Variants in CDK5RAP2 observed in about 807,000 individuals in gnomAD.
The protein encoded by CDK5RAP2 is CDK5 regulatory subunit associated protein 2, also known as CDK5 regulatory subunit-associated protein 2.
Under a neutral mutation model 232.9 loss-of-function variants are expected in CDK5RAP2, and 147 were observed. The ratio of observed to expected loss-of-function variants is 0.63; its 90% CI spans 0.55 to 0.72. CDK5RAP2 has a LOEUF of 0.72. Among genes scored for constraint, CDK5RAP2 ranks in the 30% least tolerant of loss-of-function variants. The pLI is 0.00. For missense variants in CDK5RAP2, 2,195 were observed against 2,231.5 expected (o/e 0.98, Z 0.33); for synonymous variants, 833 against 833.7 (o/e 1.00, Z 0.01).
chr9:120,570,024 A>C (rs904971044), intron 2 of CDK5RAP2, among the ~76,000 whole-genome samples: 2 of 152,186 alleles, frequency 1.3e-5, no homozygotes, highest in Non-Finnish European at 2.9e-5. Flanking sequence ...GGGGAGAGCC[A>C]AAAAGGGTGG....
chr9:120,472,990 G>A (rs1195463151), intron 15 of CDK5RAP2, among the ~76,000 whole-genome samples: 2 of 152,192 alleles, frequency 1.3e-5, no homozygotes, highest in South Asian at 2.1e-4. Flanking sequence ...GTGCAGATCC[G>A]TAAGAACAGC....
intron 25 of CDK5RAP2, among the ~76,000 whole-genome samples, chr9:120,425,028 C>T (rs1475355205): frequency 2.0e-5 from 3 of 152,050 alleles, no homozygotes; most frequent in Non-Finnish European, 4.4e-5. Context: ...TGTATATCTT[C>T]CTCAGGAACT....
At chr9:120,416,156 C>T (rs776806133) in intron 27 of CDK5RAP2, among the ~76,000 whole-genome samples, 2 of 152,114 alleles carry the variant, frequency 1.3e-5, no homozygotes, top group Non-Finnish European at 2.9e-5. Flanking sequence ...ACCGGCCGGG[C>T]GTCCTCTAAT....
chr9:120,567,999 C>A (rs934284966), intron 3 of CDK5RAP2, among the ~76,000 whole-genome samples: 15 of 152,268 alleles, frequency 9.9e-5, no homozygotes, highest in Admixed American at 5.9e-4. Context: ...AATGTTAGCT[C>A]CCCTCAACTG....
intron 5 of CDK5RAP2, among the ~76,000 whole-genome samples, chr9:120,542,997 G>A (rs1482787201): frequency 6.6e-6 from 1 of 152,146 alleles, no homozygotes; most frequent in Non-Finnish European, 1.5e-5. Context: ...AGTTAGAGCA[G>A]CAAAAGCAAG....
intron 12 of CDK5RAP2, among the ~76,000 whole-genome samples, chr9:120,504,161 G>A (rs1386851632): frequency 1.3e-5 from 2 of 152,162 alleles, no homozygotes; most frequent in Non-Finnish European, 2.9e-5. Flanking sequence ...GTTTGGGGTA[G>A]TTGATGTTGT....
At chr9:120,449,788 C>G (rs1277029541) in intron 21 of CDK5RAP2, among the ~76,000 whole-genome samples, 1 of 152,112 alleles carries the variant, frequency 6.6e-6, no homozygotes, top group Non-Finnish European at 1.5e-5. Flanking sequence ...CATTAGTCAC[C>G]AAGGAAAATG....
At position 120,402,922 on chromosome 9, in the gene CDK5RAP2, T is replaced by A. The variant is rs1370393020; in HGVS notation, c.5191A>T (p.Ile1731Phe). 6.2e-7 allele frequency: 1 copy of A among 1,614,056 alleles called. No individual in the cohort carries two copies. The highest frequency in any genetic ancestry group is 8.5e-7 in the Non-Finnish European group (1 of 1,180,044). ...TTGAGCAGGGCCTCATAGTCCTCAATCAGGCCCAGGACATGGCGGCCATTC... is the reference window on the plus strand; with the variant it reads ...TTGAGCAGGGCCTCATAGTCCTCAAACAGGCCCAGGACATGGCGGCCATTC... ...SKNGRHVLGL[I>F]EDYEALLKQI... is the part of the protein sequence containing the mutation. The change falls in exon 34 of 38, where the codon ATT (isoleucine) becomes TTT (phenylalanine). Residue 1731 changes from isoleucine to phenylalanine, a missense_variant. Transcript: ENST00000349780.
intron 34 of CDK5RAP2, 43 bp downstream of exon 34, chr9:120,402,763 C>T: frequency 6.2e-7 from 1 of 1,611,662 alleles, no homozygotes; most frequent in Non-Finnish European, 8.5e-7. Flanking sequence ...CACCGACACT[C>T]CCAGGGAGCA....
Position 120,418,033 on chromosome 9 carries a change from C to T in CDK5RAP2, c.4177+1755G>A, listed in dbSNP as rs138064672. On this transcript the variant is annotated intron_variant, in intron 27 of 37. Coordinates refer to ENST00000349780, the MANE Select transcript of CDK5RAP2 (RefSeq NM_018249.6). The stretch of plus-strand genomic sequence containing the variant: ...AAAATGATGTTATGTAATAACATGT[C>T]GGAAAGCTTAGGACAGAACGTTAAG... Among the ~76,000 whole-genome samples the T allele has an allele frequency of 6.6e-5, 10 of 152,170 alleles. 1 individual carries two copies. The highest frequency in any genetic ancestry group is 1.7e-4 in the African/African-American group (7 of 41,530).
At chr9:120,550,952 T>A in intron 3 of CDK5RAP2, 50 bp from the exon 4 acceptor site, 2 of 1,054,346 alleles carry the variant, frequency 1.9e-6, no homozygotes, top group Non-Finnish European at 3.0e-6. Context: ...AGACAGAGGG[T>A]CCAACAGATA....
chr9:120,434,098 T>C (rs571685773), intron 25 of CDK5RAP2, among the ~76,000 whole-genome samples: 47 of 152,116 alleles, frequency 3.1e-4, no homozygotes, highest in African/African-American at 9.2e-4. Flanking sequence ...TGGTTGTGGG[T>C]AGAACCGAGG....
intron 15 of CDK5RAP2, among the ~76,000 whole-genome samples, chr9:120,476,032 A>G (rs958623756): frequency 1.3e-5 from 2 of 152,098 alleles, no homozygotes; most frequent in African/African-American, 4.8e-5. Flanking sequence ...GACTGGGAGG[A>G]GACAAAGTAG....
Position 120,407,232 on chromosome 9 carries a change from G to GCCCCTTCCAA in CDK5RAP2, c.4742_4743insTTGGAAGGGG (p.Gln1585LeufsTer65). The GCCCCTTCCAA allele has an allele frequency of 6.2e-7, 1 of 1,612,544 alleles. No homozygotes were observed. Reference sequence around the variant, plus strand: ...CCCTGAAAGGATCCTGCCCCTTCCAGCCTTCTCCCGACGCCTCTGAGGACA... The same window carrying GCCCCTTCCAA: ...CCCTGAAAGGATCCTGCCCCTTCCAGCCCCTTCCAACCTTCTCCCGACGCCTCTGAGGACA... On this transcript the variant is annotated frameshift_variant, in exon 32 of 38. Transcript: ENST00000349780. LOFTEE classifies it high-confidence loss of function.
intron 20 of CDK5RAP2, 39 bp from the exon 21 acceptor site, chr9:120,453,912 T>C (rs2036612746): frequency 5.0e-6 from 8 of 1,604,164 alleles, no homozygotes; most frequent in African/African-American, 4.0e-5. Context: ...AGAACCAAGC[T>C]TTCTGCTAGG....
At chr9:120,543,752 G>C (rs1475492733) in intron 5 of CDK5RAP2, among the ~76,000 whole-genome samples, 1 of 152,220 alleles carries the variant, frequency 6.6e-6, no homozygotes, top group East Asian at 1.9e-4. Context: ...CAGCTACTCA[G>C]GAGGCTGAGG....
At chr9:120,393,269 G>A (rs2032159467) in intron 36 of CDK5RAP2, among the ~76,000 whole-genome samples, 1 of 152,142 alleles carries the variant, frequency 6.6e-6, no homozygotes, top group South Asian at 2.1e-4. Context: ...ACCCTCACTG[G>A]CAAAGACTGT....
chr9:120,451,640 T>C (rs73660249), intron 21 of CDK5RAP2, among the ~76,000 whole-genome samples: 4,677 of 152,144 alleles, frequency 0.031, 84 homozygotes, highest in East Asian at 0.041. Context: ...TGGTGGTGAT[T>C]GGAGGGCTCT....
Position 120,550,911 on chromosome 9 carries a change from T to C in CDK5RAP2, c.196-9A>G, listed in dbSNP as rs770885140. On this transcript the variant is annotated splice_polypyrimidine_tract_variant and intron_variant, in intron 3 of 37. Coordinates refer to ENST00000349780, the MANE Select transcript of CDK5RAP2 (RefSeq NM_018249.6). ...TTCAATTCAGTGATTTGCTGAAAAATATCACAGAAGGGTCATCAAAAGCAA... is the reference window on the plus strand; with the variant it reads ...TTCAATTCAGTGATTTGCTGAAAAACATCACAGAAGGGTCATCAAAAGCAA... 3.9e-6 allele frequency: 6 copies of C among 1,529,092 alleles called. No individual in the cohort carries two copies. In the East Asian group the frequency reaches 6.7e-5, roughly 17 times the overall value. 94.7% of individuals were successfully genotyped at this position (1,529,092 alleles called of 1,614,324 possible).
Sources: gnomAD v4.1 joint callset for allele counts (sites outside exome capture counted in the v4.1 genomes callset) on GRCh38, gnomAD v4.1.1 for gene constraint, MANE v1.5 for transcripts, NCBI Gene and HGNC (gene_info 2026-07-23, HGNC 2026-07-21) for gene names.